AMOTL1: variants seen among roughly 807,000 people sequenced by gnomAD.
The protein encoded by AMOTL1 is angiomotin-like protein 1.
A neutral mutation model predicts 102.9 loss-of-function variants in AMOTL1; 45 were observed. The ratio of observed to expected loss-of-function variants is 0.44; its 90% CI spans 0.34 to 0.56. AMOTL1 has a LOEUF of 0.56. AMOTL1 is among the 20% of genes least tolerant of loss of function. The pLI is 0.01. For missense variants in AMOTL1, 1,114 were observed against 1,225.6 expected (o/e 0.91, Z 1.36); for synonymous variants, 481 against 484.7 (o/e 0.99, Z 0.10).
chr11:94,804,685 C>T (rs1020278034), intron 3 of AMOTL1, among the ~76,000 whole-genome samples: 2 of 152,162 alleles, frequency 1.3e-5, no homozygotes, highest in Non-Finnish European at 2.9e-5. Flanking sequence ...CTTAGTTGAT[C>T]TCAAAAATAG....
intron 3 of AMOTL1, among the ~76,000 whole-genome samples, chr11:94,754,271 G>A (rs1444993640): frequency 1.3e-5 from 2 of 152,182 alleles, no homozygotes; most frequent in East Asian, 1.9e-4. Context: ...TTCCAGATGA[G>A]ATCCATCCAT....
At chr11:94,794,807 T>C (rs1188560514) in intron 1 of AMOTL1, among the ~76,000 whole-genome samples, 1 of 152,234 alleles carries the variant, frequency 6.6e-6, no homozygotes, top group Non-Finnish European at 1.5e-5. Context: ...GACTGTTATG[T>C]TGACCTCACG....
At chr11:94,742,402 A>G (rs1240606672) in intron 3 of AMOTL1, among the ~76,000 whole-genome samples, 2 of 152,212 alleles carry the variant, frequency 1.3e-5, no homozygotes, top group Non-Finnish European at 2.9e-5. Flanking sequence ...AACATAAGCA[A>G]TGGTAGGATG....
At chr11:94,771,691 A>G (rs900018508) in intron 1 of AMOTL1, among the ~76,000 whole-genome samples, 3 of 152,088 alleles carry the variant, frequency 2.0e-5, no homozygotes, top group African/African-American at 4.8e-5. Context: ...GCTGAGTTCT[A>G]CTTTAACTTG....
At chr11:94,789,981 G>A (rs987926838) in intron 1 of AMOTL1, among the ~76,000 whole-genome samples, 5 of 152,138 alleles carry the variant, frequency 3.3e-5, no homozygotes, top group Admixed American at 1.3e-4. Flanking sequence ...TGCAGTTAGT[G>A]GTCTCTTTGA....
intron 1 of AMOTL1, among the ~76,000 whole-genome samples, chr11:94,782,691 A>G (rs1453108501): frequency 6.6e-6 from 1 of 152,222 alleles, no homozygotes. Context: ...GTTTCACAGA[A>G]TAGTCACAAT....
chr11:94,844,054 C>T (rs186073592), intron 6 of AMOTL1, among the ~76,000 whole-genome samples: 6 of 152,284 alleles, frequency 3.9e-5, no homozygotes, highest in Admixed American at 1.3e-4. Flanking sequence ...AAGCTATCTT[C>T]ACTCAGAGAG....
intron 3 of AMOTL1, among the ~76,000 whole-genome samples, chr11:94,809,064 G>A (rs764846394): frequency 4.1e-5 from 6 of 144,602 alleles, no homozygotes; most frequent in Non-Finnish European, 7.5e-5. Context: ...TCTGCCTCCC[G>A]GGTTCAAGTG....
At chr11:94,781,136 TA>T (rs1257298656) in intron 1 of AMOTL1, among the ~76,000 whole-genome samples, 1 of 152,080 alleles carries the variant, frequency 6.6e-6, no homozygotes, top group East Asian at 1.9e-4. Flanking sequence ...CCTAGTGAAA[TA>T]ATCATTGTTG....
intron 2 of AMOTL1, among the ~76,000 whole-genome samples, chr11:94,796,450 T>C (rs548958673): frequency 6.6e-6 from 1 of 152,108 alleles, no homozygotes; most frequent in African/African-American, 2.4e-5. Flanking sequence ...AACTCTCTGC[T>C]CCCGGGAGTT....
Position 94,864,780 on chromosome 11 carries a change from G to T in AMOTL1, c.2181G>T (p.Glu727Asp), listed in dbSNP as rs1184239429. 6.2e-7 allele frequency: 1 copy of T among 1,613,876 alleles called. No homozygotes were observed. The highest frequency in any genetic ancestry group is 8.5e-7 in the Non-Finnish European group (1 of 1,179,804). Reference protein sequence around the residue: ...INHSRNGSYGESSLEAHIWQE... With the variant: ...INHSRNGSYGDSSLEAHIWQE... ...ACTCACGGAATGGCAGCTACGGAGA[G>T]AGCTCGCTGGAGGCCCACATCTGGC... The change falls in exon 10 of 13, where the codon GAG becomes GAT. Residue 727 changes from glutamate (E) to aspartate (D), a missense_variant. Transcript: ENST00000433060.
chr11:94,745,444 T>TA (rs1225252290), intron 3 of AMOTL1, among the ~76,000 whole-genome samples: 2 of 152,120 alleles, frequency 1.3e-5, no homozygotes, highest in East Asian at 1.9e-4. Flanking sequence ...TTATTATGAA[T>TA]AAAAAAAAGA....
chr11:94,756,842 C>T (rs1363806711), intron 3 of AMOTL1, among the ~76,000 whole-genome samples: 2 of 152,184 alleles, frequency 1.3e-5, no homozygotes, highest in African/African-American at 4.8e-5. Flanking sequence ...AGCACATCAC[C>T]TCACATATAA....
rs1361065123 is a variant in AMOTL1 at position 94,873,084 on chromosome 11, G to C, written c.*2289G>C. 3 of 152,144 alleles carry C rather than the reference G, an allele frequency of 2.0e-5. No homozygotes were observed. The highest frequency in any genetic ancestry group is 4.4e-5 in the Non-Finnish European group (3 of 68,022). The allele number at this position is 152,144 out of a possible 1,614,324, so 9.4% of individuals were successfully genotyped here. Reference sequence around the variant, plus strand: ...GGCTGCCTCCCTTAGACATAGGTTAGAGTGAGAGACCCAGCTGTTTCTCCC... The same window carrying C: ...GGCTGCCTCCCTTAGACATAGGTTACAGTGAGAGACCCAGCTGTTTCTCCC... On this transcript the variant is annotated 3_prime_UTR_variant, in exon 13 of 13. Coordinates refer to ENST00000433060, the MANE Select transcript of AMOTL1 (RefSeq NM_130847.3).
intron 6 of AMOTL1, among the ~76,000 whole-genome samples, chr11:94,847,762 G>C (rs1360787321): frequency 7.3e-6 from 1 of 137,174 alleles, no homozygotes; most frequent in Admixed American, 7.5e-5. Flanking sequence ...CGGTGGGGGG[G>C]TGTTGGAGGG....
chr11:94,798,926 A>G (rs1397167493), intron 2 of AMOTL1, among the ~76,000 whole-genome samples: 1 of 152,154 alleles, frequency 6.6e-6, no homozygotes, highest in Non-Finnish European at 1.5e-5. Flanking sequence ...GCATTTGGGA[A>G]GGGGAGACAG....
chr11:94,859,765 A>C (rs762069011), intron 9 of AMOTL1, 50 bp downstream of exon 9: 1 of 1,513,326 alleles, frequency 6.6e-7, no homozygotes, highest in Non-Finnish European at 8.9e-7. Flanking sequence ...TAAAAAAATC[A>C]AAACAAAACA....
intron 3 of AMOTL1, among the ~76,000 whole-genome samples, chr11:94,741,632 A>G (rs979128805): frequency 6.6e-6 from 1 of 152,034 alleles, no homozygotes; most frequent in Non-Finnish European, 1.5e-5. Context: ...CAGGCTGAAG[A>G]GAGAGTGAAG....
In AMOTL1 at chr11:94,851,219, A is replaced by T. The variant is rs1952531063; in HGVS notation, c.1794+960A>T. 2.6e-5 allele frequency among the ~76,000 whole-genome samples: 4 copies of T among 152,200 alleles called. 1 individual carries two copies. The highest frequency in any genetic ancestry group is 2.6e-4 in the Admixed American group (4 of 15,282). ...GACCTCAACCCCTTAAAGACAGGAG[A>T]TCTGTTATGCCTAAGGGAGGCTGGG... is the stretch of plus-strand genomic sequence containing the variant. On this transcript the variant is annotated intron_variant, in intron 7 of 12. Transcript: ENST00000433060.
Sources: allele counts gnomAD v4.1 joint callset (sites outside exome capture counted in the v4.1 genomes callset), GRCh38; gene constraint gnomAD v4.1.1; transcripts MANE v1.5; gene names NCBI Gene and HGNC (gene_info 2026-07-23, HGNC 2026-07-21).